DPF3: variants seen among roughly 807,000 people sequenced by gnomAD.
DPF3 encodes the protein zinc finger protein DPF3.
DPF3 carries 18 observed loss-of-function variants against 56.8 expected under a neutral mutation model. That is an observed-to-expected ratio of 0.32 (90% CI 0.22 to 0.47). DPF3 has a LOEUF of 0.47. Ranked by LOEUF, DPF3 falls within the 20% of genes least tolerant of loss-of-function variation. The pLI is 1.00. For missense variants in DPF3, 403 were observed against 488.8 expected, an observed-to-expected ratio of 0.82 and a Z score of 1.65; for synonymous variants, 188 against 180.2, an observed-to-expected ratio of 1.04 and a Z score of -0.35.
At chr14:72,688,152 TGATGGATGGATGGATG>T (rs1208372778) in intron 7 of DPF3, among the ~76,000 whole-genome samples, 5 of 104,514 alleles carry the variant, frequency 4.8e-5, no homozygotes, top group South Asian at 4.0e-4. Flanking sequence ...ATGAGATGGA[TGATGGATGGATGGATG>T]GATGGATGGA....
intron 6 of DPF3, among the ~76,000 whole-genome samples, chr14:72,699,668 C>T (rs188051655): frequency 6.8e-4 from 104 of 152,232 alleles, no homozygotes; most frequent in Non-Finnish European, 1.5e-4. Flanking sequence ...GTGTTTACCA[C>T]GGACCAGGCC....
intron 8 of DPF3, among the ~76,000 whole-genome samples, chr14:72,630,314 A>G (rs1599316604): frequency 1.3e-5 from 2 of 152,192 alleles, no homozygotes; most frequent in African/African-American, 4.8e-5. Context: ...CATATCCTGA[A>G]CAGTACCACG....
At chr14:72,875,637 AGCCTCCT>A (rs1311603936) in intron 1 of DPF3, among the ~76,000 whole-genome samples, 1 of 152,244 alleles carries the variant, frequency 6.6e-6, no homozygotes, top group Non-Finnish European at 1.5e-5. Flanking sequence ...AACTGCTCCC[AGCCTCCT>A]GCTCCCCACC....
intron 1 of DPF3, among the ~76,000 whole-genome samples, chr14:72,860,434 C>T (rs962400701): frequency 5.9e-5 from 9 of 152,248 alleles, no homozygotes; most frequent in Admixed American, 6.5e-5. Flanking sequence ...ATCCTACCAC[C>T]TCAGCCTCCC....
At chr14:72,729,856 T>C (rs1889564125) in intron 4 of DPF3, among the ~76,000 whole-genome samples, 1 of 152,116 alleles carries the variant, frequency 6.6e-6, no homozygotes, top group South Asian at 2.1e-4. Flanking sequence ...ACAGATGCCA[T>C]TACACATTTG....
At chr14:72,881,339 T>TTGTTGC (rs1555516364) in intron 1 of DPF3, among the ~76,000 whole-genome samples, 3 of 141,210 alleles carry the variant, frequency 2.1e-5, no homozygotes, top group African/African-American at 7.9e-5. Context: ...GTTGTTGCTG[T>TTGTTGC]TGTTGTTGTT....
At chr14:72,699,940 G>A (rs1039809714) in intron 6 of DPF3, among the ~76,000 whole-genome samples, 1 of 152,186 alleles carries the variant, frequency 6.6e-6, no homozygotes, top group African/African-American at 2.4e-5. Context: ...CCAGCTGTGG[G>A]AGGAGGAAAG....
chr14:72,743,954 T>C (rs948995128), intron 3 of DPF3, among the ~76,000 whole-genome samples: 6 of 152,326 alleles, frequency 3.9e-5, no homozygotes, highest in Non-Finnish European at 8.8e-5. Context: ...TAATGTTGTG[T>C]GTGTTGTCCT....
At chr14:72,673,922 T>C (rs1185736145) in intron 8 of DPF3, 2 of 285,874 alleles carry the variant, frequency 7.0e-6, no homozygotes, top group Non-Finnish European at 1.3e-5. Context: ...AGAAAGCACG[T>C]TGCCTTCTCT....
At chr14:72,760,796 T>C (rs1349997570) in intron 2 of DPF3, among the ~76,000 whole-genome samples, 1 of 152,112 alleles carries the variant, frequency 6.6e-6, no homozygotes. Context: ...TCAGATTACA[T>C]GTAAAAAGCA....
intron 1 of DPF3, among the ~76,000 whole-genome samples, chr14:72,820,353 A>G (rs1599470081): frequency 1.3e-5 from 2 of 152,332 alleles, no homozygotes; most frequent in Middle Eastern, 6.8e-3. Flanking sequence ...TATCTAATAA[A>G]CAGGTTAAAA....
intron 8 of DPF3, among the ~76,000 whole-genome samples, chr14:72,652,351 C>T (rs1885936047): frequency 6.6e-6 from 1 of 152,298 alleles, no homozygotes; most frequent in East Asian, 1.9e-4. Flanking sequence ...GCCAACTGTC[C>T]TTAATTTCCC....
At chr14:72,800,628 G>A (rs1892846603) in intron 1 of DPF3, among the ~76,000 whole-genome samples, 1 of 152,078 alleles carries the variant, frequency 6.6e-6, no homozygotes, top group African/African-American at 2.4e-5. Flanking sequence ...ACAGATGGAT[G>A]CATGGATGCA....
At chr14:72,891,713 C>T (rs988426649) in intron 1 of DPF3, among the ~76,000 whole-genome samples, 2 of 151,918 alleles carry the variant, frequency 1.3e-5, no homozygotes, top group African/African-American at 4.8e-5. Flanking sequence ...CTGGGCTGGT[C>T]AGTGGTATTG....
chr14:72,741,483 C>T lies in DPF3; in HGVS notation c.302-9549G>A, dbSNP rs144184282. 1.1e-4 allele frequency among the ~76,000 whole-genome samples: 16 copies of T among 152,348 alleles called. No individual in the cohort carries two copies. In the East Asian group the frequency reaches 3.1e-3, roughly 29 times the overall value. On this transcript the variant is annotated intron_variant, in intron 3 of 10. Coordinates refer to ENST00000556509, the MANE Select transcript of DPF3 (RefSeq NM_001280542.3). ...AAGGCCCCTACAACCCAAAACCAAA[C>T]AGCCAAGATGGCAACACTTGGGCCC...
chr14:72,766,448 T>G (rs978960304), intron 2 of DPF3, among the ~76,000 whole-genome samples: 1 of 152,168 alleles, frequency 6.6e-6, no homozygotes, highest in Non-Finnish European at 1.5e-5. Flanking sequence ...TATCTAACTA[T>G]CTAGCTAGCT....
At chr14:72,662,221 C>T in intron 8 of DPF3, 6 of 985,390 alleles carry the variant, frequency 6.1e-6, no homozygotes, top group Non-Finnish European at 7.2e-6. Context: ...AAAGCACATA[C>T]ATGAATGGCT....
At position 72,865,768 on chromosome 14, in the gene DPF3, C is replaced by T. The variant is rs191612388; in HGVS notation, c.32+28289G>A. On this transcript the variant is annotated intron_variant, in intron 1 of 10. Transcript: ENST00000556509. The stretch of plus-strand genomic sequence containing the variant: ...CACTGAATTGACATCAGCACTAGGC[C>T]GGGTGCATCGGCTCATGCCTGTAAT... Among the ~76,000 whole-genome samples the T allele has an allele frequency of 1.6e-3, 244 of 152,286 alleles. 1 individual carries two copies. The highest frequency in any genetic ancestry group is 5.8e-3 in the African/African-American group (242 of 41,556).
At chr14:72,824,813 C>A (rs949345756) in intron 1 of DPF3, among the ~76,000 whole-genome samples, 1 of 151,894 alleles carries the variant, frequency 6.6e-6, no homozygotes, top group Non-Finnish European at 1.5e-5. Flanking sequence ...CTCAGGTGAT[C>A]CGCCTACTTC....
Sources: allele counts gnomAD v4.1 joint callset (sites outside exome capture counted in the v4.1 genomes callset), GRCh38; gene constraint gnomAD v4.1.1; transcripts MANE v1.5; gene names NCBI Gene and HGNC (gene_info 2026-07-23, HGNC 2026-07-21).